EBF2: variants seen among roughly 807,000 people sequenced by gnomAD.
EBF2 encodes the protein EBF transcription factor 2.
EBF2 carries 21 observed loss-of-function variants against 72.8 expected under a neutral mutation model. The observed-to-expected ratio is 0.29, with a 90% CI of 0.20 to 0.42. EBF2 has a LOEUF of 0.42. Ranked by LOEUF, EBF2 falls within the 10% of genes least tolerant of loss-of-function variation. EBF2 has a pLI of 1.00. For synonymous variants in EBF2, 299 were observed against 274.2 expected, an observed-to-expected ratio of 1.09 and a Z score of -0.89; for missense variants, 637 against 731.2, an observed-to-expected ratio of 0.87 and a Z score of 1.49.
At chr8:25,967,667 T>C (rs1394308361) in intron 6 of EBF2, among the ~76,000 whole-genome samples, 2 of 152,200 alleles carry the variant, frequency 1.3e-5, no homozygotes, top group African/African-American at 4.8e-5. Context: ...TCTATGTGTG[T>C]TGGGGGCAAG....
intron 6 of EBF2, among the ~76,000 whole-genome samples, chr8:25,956,189 C>T (rs1427763879): frequency 3.3e-5 from 5 of 151,972 alleles, no homozygotes; most frequent in African/African-American, 7.2e-5. Context: ...GAGGCTGAGG[C>T]GGGCAGATCA....
At chr8:25,951,253 C>T (rs1351630214) in intron 6 of EBF2, among the ~76,000 whole-genome samples, 5 of 152,106 alleles carry the variant, frequency 3.3e-5, no homozygotes, top group Admixed American at 1.3e-4. Context: ...GGTGTTGGAT[C>T]GACAGTGCCA....
At chr8:26,026,890 A>C (rs1406779601) in intron 6 of EBF2, among the ~76,000 whole-genome samples, 1 of 152,232 alleles carries the variant, frequency 6.6e-6, no homozygotes, top group Admixed American at 6.5e-5. Flanking sequence ...TTCAAACTTG[A>C]GACTTTTATC....
rs923090908 is a variant in EBF2, at chr8:25,960,096, A to T, written c.552-51541T>A. Among the ~76,000 whole-genome samples, 2 of 152,150 alleles carry T rather than the reference A, an allele frequency of 1.3e-5. 1 individual carries two copies. Among genetic ancestry groups the T allele is most frequent in the African/African-American group, 4.8e-5 (2 of 41,434 alleles). ...TCTAAGGAAGGGAGGAGCAGGGAGA[A>T]CTTCACTGGCCACCCAGAGAAAATG... On this transcript the variant is annotated intron_variant, in intron 6 of 15. Coordinates refer to ENST00000520164, the MANE Select transcript of EBF2 (RefSeq NM_022659.4).
chr8:26,000,660 C>T (rs893687004), intron 6 of EBF2, among the ~76,000 whole-genome samples: 2 of 152,182 alleles, frequency 1.3e-5, no homozygotes, highest in African/African-American at 4.8e-5. Flanking sequence ...CCAGATGACA[C>T]TGTCATATGG....
intron 6 of EBF2, among the ~76,000 whole-genome samples, chr8:25,910,122 C>T (rs1052696876): frequency 6.6e-6 from 1 of 152,118 alleles, no homozygotes; most frequent in African/African-American, 2.4e-5. Flanking sequence ...GCTTTCTGAA[C>T]GGCAGTAGCA....
intron 10 of EBF2, among the ~76,000 whole-genome samples, chr8:25,865,460 A>G (rs1802292913): frequency 6.6e-6 from 1 of 152,180 alleles, no homozygotes; most frequent in African/African-American, 2.4e-5. Context: ...AGAGTTGAGT[A>G]GATCTAGGGT....
rs187602444 is a variant in EBF2 at position 25,861,241 on chromosome 8, G to C, written c.1165-15C>G. On this transcript the variant is annotated splice_polypyrimidine_tract_variant and intron_variant, in intron 12 of 15. Transcript: ENST00000520164. ...AAAATGATGTCCTACAAAACAACAG[G>C]TTAATGTGAGCATTCTATCCAGCAT... 6.2e-7 allele frequency: 1 copy of C among 1,613,362 alleles called. No individual in the cohort carries two copies. The highest frequency in any genetic ancestry group is 2.2e-5 in the East Asian group (1 of 44,882).
At chr8:25,878,826 C>T (rs1463727123) in intron 10 of EBF2, among the ~76,000 whole-genome samples, 1 of 152,192 alleles carries the variant, frequency 6.6e-6, no homozygotes, top group Admixed American at 6.5e-5. Flanking sequence ...TCCCTCCCCT[C>T]CTCACTCCGA....
At chr8:25,860,944 G>T in intron 13 of EBF2, 105 bp downstream of exon 13, 1 of 1,233,906 alleles carries the variant, frequency 8.1e-7, no homozygotes, top group Admixed American at 1.7e-5. Flanking sequence ...CCTATCTGTG[G>T]ACACACTCTG....
chr8:25,908,437 G>T, intron 7 of EBF2, 37 bp downstream of exon 7: 1 of 1,450,832 alleles, frequency 6.9e-7, no homozygotes, highest in Non-Finnish European at 9.5e-7. Context: ...AAAACAGGAT[G>T]ACTTATTTAA....
At chr8:25,969,228 G>A (rs1411427845) in intron 6 of EBF2, among the ~76,000 whole-genome samples, 1 of 152,184 alleles carries the variant, frequency 6.6e-6, no homozygotes, top group Non-Finnish European at 1.5e-5. Context: ...ATCAATGAGA[G>A]TTAACAAATT....
chr8:25,853,726 CTT>C (rs1364406817), intron 14 of EBF2, among the ~76,000 whole-genome samples: 5 of 144,670 alleles, frequency 3.5e-5, no homozygotes, highest in African/African-American at 1.4e-4. Flanking sequence ...TGGAAAATAA[CTT>C]AAGTGTCCCA....
At chr8:25,866,118 A>T (rs982933521) in intron 10 of EBF2, among the ~76,000 whole-genome samples, 1 of 151,606 alleles carries the variant, frequency 6.6e-6, no homozygotes, top group Non-Finnish European at 1.5e-5. Context: ...TTAGGCCTGT[A>T]CATTCATATC....
intron 6 of EBF2, among the ~76,000 whole-genome samples, chr8:25,929,354 G>A (rs535851746): frequency 2.0e-5 from 3 of 152,298 alleles, no homozygotes; most frequent in Admixed American, 2.0e-4. Flanking sequence ...CTGTTAGAGA[G>A]AGAAGTAATC....
At chr8:25,899,365 A>G (rs2117303412) in intron 7 of EBF2, among the ~76,000 whole-genome samples, 1 of 152,032 alleles carries the variant, frequency 6.6e-6, no homozygotes, top group South Asian at 2.1e-4. Context: ...AGTGATTTCC[A>G]TTATGTGCTT....
chr8:26,020,036 AG>A (rs1805180753), intron 6 of EBF2, among the ~76,000 whole-genome samples: 1 of 152,180 alleles, frequency 6.6e-6, no homozygotes, highest in African/African-American at 2.4e-5. Context: ...AAGGTGGAGC[AG>A]GTCAGGCACA....
At chr8:26,010,574 G>A (rs935905039) in intron 6 of EBF2, among the ~76,000 whole-genome samples, 1 of 152,214 alleles carries the variant, frequency 6.6e-6, no homozygotes, top group Non-Finnish European at 1.5e-5. Flanking sequence ...GCGCAGCTGA[G>A]CACCGAGAGG....
intron 6 of EBF2, 38 bp downstream of exon 6, chr8:26,033,047 G>A (rs1222715950): frequency 6.3e-7 from 1 of 1,591,064 alleles, no homozygotes; most frequent in East Asian, 2.2e-5. Context: ...TGAAGAAAAG[G>A]AACCAAAAAT....
Sources: allele counts gnomAD v4.1 joint callset (sites outside exome capture counted in the v4.1 genomes callset), GRCh38; gene constraint gnomAD v4.1.1; transcripts MANE v1.5; gene names NCBI Gene and HGNC (gene_info 2026-07-23, HGNC 2026-07-21).